Variants in CBR4 observed in about 807,000 individuals in gnomAD.
CBR4 encodes 3-oxoacyl-[acyl-carrier-protein] reductase.
A neutral mutation model predicts 21.0 loss-of-function variants in CBR4; 22 were observed. The ratio of observed to expected loss-of-function variants is 1.05; its 90% CI spans 0.75 to 1.50. The LOEUF is 1.50. CBR4 is among the 40% of genes most tolerant of loss of function. The probability of loss-of-function intolerance (pLI) is 0.00; values close to 1 mark genes in which losing one functional copy is unlikely to be tolerated. For synonymous variants in CBR4, 100 were observed against 104.4 expected (o/e 0.96, Z 0.26); for missense variants, 302 against 286.3 (o/e 1.05, Z -0.40).
intron 4 of CBR4, among the ~76,000 whole-genome samples, chr4:168,999,268 G>A (rs1364812859): frequency 2.0e-5 from 3 of 152,052 alleles, no homozygotes; most frequent in Non-Finnish European, 4.4e-5. Context: ...ATTTGAAGGT[G>A]ACCAGGAAAA....
Position 168,971,436 on chromosome 4 carries a change from A to ATTTTTTTTTTTT in CBR4, n.169+30623_169+30634dup, listed in dbSNP as rs70961566. ...AGGCACACACCACCATGCCCAGCTC[A>ATTTTTTTTTTTT]TTTTTTTTTTTTTTTTTTTTTTGTA... On this transcript the variant is annotated intron_variant and non_coding_transcript_variant, in intron 2 of 3. Transcript: ENST00000509108. Among the ~76,000 whole-genome samples, 79 of 114,074 alleles carry ATTTTTTTTTTTT rather than the reference A, an allele frequency of 6.9e-4. 1 individual carries two copies. The highest frequency in any genetic ancestry group is 1.1e-3 in the African/African-American group (30 of 27,958). 74.8% of individuals were successfully genotyped at this position (114,074 alleles called of 152,430 possible).
chr4:169,006,823 G>A lies in CBR4; in HGVS notation c.332C>T (p.Ser111Phe). Reference sequence around the variant, plus strand: ...CATGGCAGCTTTACAGGTCAGCATGGAACCCAAGAGGTTAGTATGAAGCTG... The same window carrying A: ...CATGGCAGCTTTACAGGTCAGCATGAAACCCAAGAGGTTAGTATGAAGCTG... The part of the protein sequence containing the change: ...VSQLHTNLLG[S>F]MLTCKAAMRT... The change falls in exon 3 of 5, where the codon TCC (serine) becomes TTC (phenylalanine). Residue 111 changes from serine (S) to phenylalanine (F), a missense_variant. Physicochemically the swap from Ser to Phe is radical, Grantham distance 155. Transcript: ENST00000306193. 1 of 1,613,110 alleles carries A rather than the reference G, an allele frequency of 6.2e-7. No individual in the cohort carries two copies. The highest frequency in any genetic ancestry group is 8.5e-7 in the Non-Finnish European group (1 of 1,179,118).
At chr4:168,926,415 G>A (rs1032457562) in intron 2 of CBR4, 6 of 1,498,574 alleles carry the variant, frequency 4.0e-6, no homozygotes, top group Non-Finnish European at 5.4e-6. Context: ...CTGAAACACT[G>A]AAACAGCCAT....
chr4:168,976,556 T>C (rs1285039301), intron 2 of CBR4, among the ~76,000 whole-genome samples: 2 of 152,204 alleles, frequency 1.3e-5, no homozygotes, highest in African/African-American at 4.8e-5. Context: ...GGGGTGGATC[T>C]TGTAGTACAT....
At chr4:168,926,720 C>T in intron 2 of CBR4, 1 of 315,956 alleles carries the variant, frequency 3.2e-6, no homozygotes, top group East Asian at 5.1e-5. Context: ...TGCCTTTAAA[C>T]ACAAGATATA....
intron 2 of CBR4, among the ~76,000 whole-genome samples, chr4:168,960,509 A>G (rs1763816742): frequency 6.6e-6 from 1 of 152,196 alleles, no homozygotes; most frequent in Admixed American, 6.5e-5. Context: ...GATAGAAGAA[A>G]TACATTTTTC....
intron 2 of CBR4, among the ~76,000 whole-genome samples, chr4:168,925,714 A>T (rs1762453716): frequency 1.3e-5 from 2 of 152,206 alleles, no homozygotes; most frequent in Non-Finnish European, 2.9e-5. Flanking sequence ...TTAAGAATTT[A>T]TTTAAGAATT....
intron 2 of CBR4, among the ~76,000 whole-genome samples, chr4:168,967,795 G>C (rs1404872647): frequency 6.6e-6 from 1 of 152,182 alleles, no homozygotes; most frequent in Non-Finnish European, 1.5e-5. Flanking sequence ...AGAAATTCTA[G>C]AGTGCTGTTG....
chr4:169,004,581 C>CT (rs1730740517), intron 3 of CBR4, among the ~76,000 whole-genome samples: 3 of 152,192 alleles, frequency 2.0e-5, no homozygotes, highest in African/African-American at 7.2e-5. Context: ...TGAGAAACAA[C>CT]TTTGTTTATC....
At chr4:168,959,678 G>A (rs1343241243) in intron 2 of CBR4, among the ~76,000 whole-genome samples, 2 of 146,722 alleles carry the variant, frequency 1.4e-5, no homozygotes, top group Non-Finnish European at 3.0e-5. Flanking sequence ...CAATTCTCCT[G>A]CCTCAGCCTC....
rs1302801225 is a variant in CBR4, at chr4:168,989,703, A to C, written c.*447T>G. 2.0e-6 allele frequency: 2 copies of C among 981,552 alleles called. No homozygotes were observed. The highest frequency in any genetic ancestry group is 3.5e-5 in the African/African-American group (2 of 57,154). The allele number at this position is 981,552 out of a possible 1,614,324, so 60.8% of individuals were successfully genotyped here. On this transcript the variant is annotated 3_prime_UTR_variant, in exon 5 of 5. Coordinates refer to ENST00000306193, the MANE Select transcript of CBR4 (RefSeq NM_032783.5). ...AGACAATATAATTTTTCCACTTTTG[A>C]GACAAAATATATAAATCAATACTTG... is the stretch of plus-strand genomic sequence containing the variant.
intron 2 of CBR4, among the ~76,000 whole-genome samples, chr4:168,934,164 GTTGC>G (rs1289747965): frequency 7.9e-5 from 12 of 151,364 alleles, no homozygotes; most frequent in Admixed American, 6.6e-4. Flanking sequence ...CTCGGGCCAG[GTTGC>G]TTTGAGGCCA....
At chr4:168,894,727 T>C (rs754688204) in exon 3 of CBR4, 7 of 1,589,612 alleles carry the variant, frequency 4.4e-6, no homozygotes, top group Middle Eastern at 3.3e-4. Context: ...CTGTCCCCCT[T>C]TTCCATCTTC....
At chr4:168,898,744 G>A in intron 2 of CBR4, 3 of 1,432,354 alleles carry the variant, frequency 2.1e-6, no homozygotes, top group Non-Finnish European at 3.0e-6. Context: ...CTTTTTAAGA[G>A]TCATTCTCTG....
chr4:168,896,226 T>C (rs1359849974), intron 2 of CBR4, among the ~76,000 whole-genome samples: 1 of 135,604 alleles, frequency 7.4e-6, no homozygotes, highest in African/African-American at 2.6e-5. Flanking sequence ...AAAAAAAAAG[T>C]GCATTTAATA....
At chr4:168,938,250 G>A (rs763068991) in intron 2 of CBR4, among the ~76,000 whole-genome samples, 3 of 152,234 alleles carry the variant, frequency 2.0e-5, no homozygotes, top group Non-Finnish European at 4.4e-5. Context: ...AAATAAATAA[G>A]TTCTTTGAAA....
At chr4:169,006,637 T>C in intron 3 of CBR4, 118 bp downstream of exon 3, 1 of 968,362 alleles carries the variant, frequency 1.0e-6, no homozygotes, top group Non-Finnish European at 1.6e-6. Context: ...AAATCCTTTT[T>C]TCCACAGATA....
rs112948259 is a variant in CBR4 at position 168,951,336 on chromosome 4, G to A, written n.169+50735C>T. ...CCTCCCAAATGCTGGGATTACAGGC[G>A]TGAGCCACTGCACCTGGCCAGTTCT... On this transcript the variant is annotated intron_variant and non_coding_transcript_variant, in intron 2 of 3. Coordinates refer to the CBR4 transcript ENST00000509108. Among the ~76,000 whole-genome samples, 740 of 152,294 alleles carry A rather than the reference G, an allele frequency of 4.9e-3. 7 individuals carry two copies. Among genetic ancestry groups the A allele is most frequent in the Admixed American group, 5.5e-3 (84 of 15,292 alleles).
At chr4:168,903,718 C>G (rs1239737711) in intron 2 of CBR4, 1 of 1,546,330 alleles carries the variant, frequency 6.5e-7, no homozygotes, top group Admixed American at 1.7e-5. Flanking sequence ...AGTAGGAATA[C>G]ACAAACTCCT....
Sources: allele counts gnomAD v4.1 joint callset (sites outside exome capture counted in the v4.1 genomes callset), GRCh38; gene constraint gnomAD v4.1.1; transcripts MANE v1.5; gene names NCBI Gene and HGNC (gene_info 2026-07-23, HGNC 2026-07-21).